The following YIPF5 variants were observed in gnomAD, a reference collection of about 807,000 sequenced individuals.
YIPF5 encodes the protein Yip1 domain family member 5, also known as protein YIPF5.
A neutral mutation model predicts 30.4 loss-of-function variants in YIPF5; 8 were observed. That is an observed-to-expected ratio of 0.26 (90% CI 0.15 to 0.47). The LOEUF (loss-of-function observed/expected upper bound fraction) is 0.47. Among genes scored for constraint, YIPF5 ranks in the 20% least tolerant of loss-of-function variants. YIPF5 has a pLI of 0.99. For synonymous variants in YIPF5, 104 were observed against 107.9 expected (o/e 0.96, Z 0.23); for missense variants, 282 against 301.8 (o/e 0.93, Z 0.49).
Position 144,165,553 on chromosome 5 carries a change from G to A in YIPF5, c.162C>T (p.Asp54=). 4 of 1,614,152 alleles carry A rather than the reference G, an allele frequency of 2.5e-6. No homozygotes were observed. The highest frequency in any genetic ancestry group is 3.4e-6 in the Non-Finnish European group (4 of 1,180,022). The change falls in exon 3 of 6, where the codon GAC becomes GAT. Residue 54 remains aspartate (D), a synonymous_variant. Coordinates refer to ENST00000274496, the MANE Select transcript of YIPF5 (RefSeq NM_030799.9). The part of the protein sequence containing the change: ...YSQQGRFVPP[D]MMQPQQPYTG... ...TGTATGGCTGTTGTGGCTGCATCAT[G>A]TCTGGAGGGACAAATCTGCCTTGCT... is the stretch of plus-strand genomic sequence containing the variant.
In YIPF5 at chr5:144,166,984, C is replaced by T. The variant is rs79268043; in HGVS notation, c.111-1380G>A. Among the ~76,000 whole-genome samples the T allele has an allele frequency of 1.6e-3, 250 of 152,248 alleles. 1 individual carries two copies. Among genetic ancestry groups the T allele is most frequent in the African/African-American group, 5.7e-3 (239 of 41,568 alleles). The stretch of plus-strand genomic sequence containing the variant: ...GTTTTACCAATCAATACTTTTGCAA[C>T]AGCACTGCAAATGTTAACATACCTA... On this transcript the variant is annotated intron_variant, in intron 2 of 5. Transcript: ENST00000274496.
chr5:144,159,854 C>T lies in YIPF5; in HGVS notation c.*543G>A. 1 of 550,180 alleles carries T rather than the reference C, an allele frequency of 1.8e-6. No homozygotes were observed. The highest frequency in any genetic ancestry group is 2.3e-6 in the Non-Finnish European group (1 of 435,948). The allele number at this position is 550,180 out of a possible 1,614,324, so 34.1% of individuals were successfully genotyped here. A position where few individuals can be genotyped will look rare whatever the true frequency, so the allele number is the denominator to read the frequency against. On this transcript the variant is annotated 3_prime_UTR_variant, in exon 6 of 6. Transcript: ENST00000274496. Reference sequence around the variant, plus strand: ...CCTGAGTAGCTGGGACTACAGGCGCCCGCCACCACGCCCAGCTAATTTTTT... The same window carrying T: ...CCTGAGTAGCTGGGACTACAGGCGCTCGCCACCACGCCCAGCTAATTTTTT...
chr5:144,159,278 TG>T lies in YIPF5; in HGVS notation c.*1118del. ...ATTCAATAACACAGTTAAAATTAAT[TG>T]GGAAAGTTTTAATAAGCATTCAAAT... is the stretch of plus-strand genomic sequence containing the variant. On this transcript the variant is annotated 3_prime_UTR_variant, in exon 6 of 6. Transcript: ENST00000274496. 1.0e-6 allele frequency: 1 copy of T among 971,848 alleles called. No homozygotes were observed. The highest frequency in any genetic ancestry group is 1.2e-6 in the Non-Finnish European group (1 of 817,590). 60.2% of individuals were successfully genotyped at this position (971,848 alleles called of 1,614,324 possible).
At chr5:144,162,863 C>A (rs1397867150) in intron 4 of YIPF5, among the ~76,000 whole-genome samples, 1 of 152,066 alleles carries the variant, frequency 6.6e-6, no homozygotes, top group Admixed American at 6.5e-5. Flanking sequence ...AAGAAGAAAT[C>A]TTATGATTCA....
intron 3 of YIPF5, among the ~76,000 whole-genome samples, chr5:144,164,602 TGCTGTGTTGCTCA>T (rs1295936759): frequency 1.3e-5 from 2 of 151,710 alleles, no homozygotes; most frequent in African/African-American, 4.8e-5. Context: ...GACAGGGTCT[TGCTGTGTTGCTCA>T]GGCTGGTCTC....
At position 144,158,488 on chromosome 5, in the gene YIPF5, A is replaced by AGT; in HGVS notation, c.*1907_*1908dup. 7.9e-7 allele frequency: 1 copy of AGT among 1,268,796 alleles called. No individual in the cohort carries two copies. Among genetic ancestry groups the AGT allele is most frequent in the Non-Finnish European group, 1.0e-6 (1 of 982,368 alleles). 78.6% of individuals were successfully genotyped at this position (1,268,796 alleles called of 1,614,324 possible). On this transcript the variant is annotated 3_prime_UTR_variant, in exon 6 of 6. Transcript: ENST00000274496. ...ATGTGATATTTGGCTGAAGATTAACAGTGTTAAGTCTAACCAACAGCGAGA... is the reference window on the plus strand; with the variant it reads ...ATGTGATATTTGGCTGAAGATTAACAGTGTGTTAAGTCTAACCAACAGCGAGA...
chr5:144,168,887 T>TC (rs1198513837), intron 2 of YIPF5, among the ~76,000 whole-genome samples: 1 of 152,192 alleles, frequency 6.6e-6, no homozygotes, highest in African/African-American at 2.4e-5. Context: ...TACATAACCT[T>TC]CCCCTGCCCT....
Position 144,169,961 on chromosome 5 carries a change from A to C in YIPF5, c.-6T>G, listed in dbSNP as rs1236701440. On this transcript the variant is annotated 5_prime_UTR_variant, in exon 2 of 6. Coordinates refer to ENST00000274496, the MANE Select transcript of YIPF5 (RefSeq NM_030799.9). ...AAGTTTTCAAAGCCTGACATTGCAAATAATCTGTAATAAAAGAGAAATGGC... is the reference window on the plus strand; with the variant it reads ...AAGTTTTCAAAGCCTGACATTGCAACTAATCTGTAATAAAAGAGAAATGGC... 9.9e-6 allele frequency: 16 copies of C among 1,611,944 alleles called. No homozygotes were observed. In the East Asian group the frequency reaches 3.6e-4, roughly 36 times the overall value.
At chr5:144,163,862 AT>A (rs546966645) in intron 4 of YIPF5, 2,567 of 296,634 alleles carry the variant, frequency 8.7e-3, no homozygotes, top group East Asian at 0.014. Flanking sequence ...GTTGTTTACT[AT>A]TTTTTTTTTG....
At position 144,160,405 on chromosome 5, in the gene YIPF5, C is replaced by G. The variant is rs147304369; in HGVS notation, c.766G>C (p.Val256Leu). 1.2e-6 allele frequency: 2 copies of G among 1,611,338 alleles called. No homozygotes were observed. The highest frequency in any genetic ancestry group is 1.3e-5 in the African/African-American group (1 of 74,814). The change falls in exon 6 of 6, where the codon GTC becomes CTC. Residue 256 changes from valine to leucine, a missense_variant. By Grantham distance (32) the Val-to-Leu change is conservative. Coordinates refer to ENST00000274496, the MANE Select transcript of YIPF5 (RefSeq NM_030799.9). Reference protein sequence around the residue: ...LLYGVFALISVF With the variant: ...LLYGVFALISLF The stretch of plus-strand genomic sequence containing the variant: ...ACATCCCAGATAAATTTTCAAAAGA[C>G]GGAAATCAGGGCAAAGACTCCATAT...
chr5:144,164,562 TTTTC>T (rs746241730), intron 3 of YIPF5, among the ~76,000 whole-genome samples: 124 of 150,194 alleles, frequency 8.3e-4, no homozygotes, highest in Admixed American at 2.6e-3. Flanking sequence ...AATTTTTTTC[TTTTC>T]TTTCTTTCTT....
intron 3 of YIPF5, among the ~76,000 whole-genome samples, 168 bp from the exon 4 acceptor site, chr5:144,164,424 C>T (rs1430684872): frequency 6.6e-6 from 1 of 152,046 alleles, no homozygotes; most frequent in African/African-American, 2.4e-5. Context: ...CTGTCTCCAT[C>T]ACCCAGGCTG....
At position 144,162,201 on chromosome 5, in the gene YIPF5, T is replaced by A. The variant is rs1483848994; in HGVS notation, c.611+17A>T. On this transcript the variant is annotated intron_variant, in intron 5 of 5. Coordinates refer to ENST00000274496, the MANE Select transcript of YIPF5 (RefSeq NM_030799.9). ...AGAATTGGTCAATCAACCCCCAAAA[T>A]AAAGAACAGTACTTACTGCAAAGAA... 3 of 1,607,486 alleles carry A rather than the reference T, an allele frequency of 1.9e-6. No individual in the cohort carries two copies. The African/African-American group carries it at 4.0e-5, about 22-fold the overall frequency.
intron 3 of YIPF5, among the ~76,000 whole-genome samples, chr5:144,164,975 AGT>A (rs1308201753): frequency 6.6e-6 from 1 of 152,102 alleles, no homozygotes; most frequent in African/African-American, 2.4e-5. Context: ...TTCTGAGGAG[AGT>A]GTTCATACCT....
At chr5:144,168,982 T>C (rs1189818200) in intron 2 of YIPF5, among the ~76,000 whole-genome samples, 1 of 152,218 alleles carries the variant, frequency 6.6e-6, no homozygotes, top group Non-Finnish European at 1.5e-5. Context: ...AAGTTATATA[T>C]GCACATTTAT....
rs1165330812 is a variant in YIPF5 at position 144,163,998 on chromosome 5, C to T, written c.429+113G>A. ...ACAAGCAACTCAGTACTATTCCAAA[C>T]ACATCAAAGACTTGAGGTGTAAAGC... On this transcript the variant is annotated intron_variant, in intron 4 of 5. Transcript: ENST00000274496. 1.6e-5 allele frequency: 21 copies of T among 1,332,236 alleles called. No homozygotes were observed. In the Admixed American group the frequency reaches 3.7e-4, roughly 24 times the overall value. The allele number at this position is 1,332,236 out of a possible 1,614,324, so 82.5% of individuals were successfully genotyped here. A position where few individuals can be genotyped will look rare whatever the true frequency, so the allele number is the denominator to read the frequency against.
At position 144,158,973 on chromosome 5, in the gene YIPF5, C is replaced by T. The variant is rs751440387; in HGVS notation, c.*1424G>A. 23 of 982,104 alleles carry T rather than the reference C, an allele frequency of 2.3e-5. No individual in the cohort carries two copies. Among genetic ancestry groups the T allele is most frequent in the Non-Finnish European group, 2.8e-5 (23 of 829,450 alleles). 60.8% of individuals were successfully genotyped at this position (982,104 alleles called of 1,614,324 possible). ...TACCATATCTTTCTCGTAACTATAACTGAGCTTTGTCCAGAATCAGAGACA... is the reference window on the plus strand; with the variant it reads ...TACCATATCTTTCTCGTAACTATAATTGAGCTTTGTCCAGAATCAGAGACA... On this transcript the variant is annotated 3_prime_UTR_variant, in exon 6 of 6. Transcript: ENST00000274496.
intron 4 of YIPF5, 88 bp downstream of exon 4, chr5:144,164,023 C>A: frequency 6.6e-7 from 1 of 1,519,674 alleles, no homozygotes; most frequent in Non-Finnish European, 8.9e-7. Flanking sequence ...AGGTGTAAAG[C>A]GGAGTTTCAA....
chr5:144,160,504 C>T lies in YIPF5; in HGVS notation c.667G>A (p.Ala223Thr). ...AATGCAGAAATAAATATTTTGGAAG[C>T]AGAAAAACTACACCATCCAATAATC... ...AGIIGWCSFS[A>T]SKIFISALAM... The change falls in exon 6 of 6, where the codon GCT (alanine) becomes ACT (threonine). Residue 223 changes from alanine to threonine, a missense_variant. Coordinates refer to ENST00000274496, the MANE Select transcript of YIPF5 (RefSeq NM_030799.9). The T allele has an allele frequency of 6.2e-7, 1 of 1,613,858 alleles. No homozygotes were observed. Among genetic ancestry groups the T allele is most frequent in the Non-Finnish European group, 8.5e-7 (1 of 1,179,934 alleles).
Sources: gnomAD v4.1 joint callset for allele counts (sites outside exome capture counted in the v4.1 genomes callset) on GRCh38, gnomAD v4.1.1 for gene constraint, MANE v1.5 for transcripts, NCBI Gene and HGNC (gene_info 2026-07-23, HGNC 2026-07-21) for gene names.